The following PLCH2 variants were observed in gnomAD, a reference collection of about 807,000 sequenced individuals.
PLCH2 encodes the protein 1-phosphatidylinositol 4,5-bisphosphate phosphodiesterase eta-2.
In PLCH2, 98 loss-of-function variants were observed where a neutral mutation model predicts 134.7. That is an observed-to-expected ratio of 0.73 (90% CI 0.62 to 0.86). The LOEUF (loss-of-function observed/expected upper bound fraction) is 0.86. Ranked by LOEUF, PLCH2 falls within the 40% of genes least tolerant of loss-of-function variation. The pLI is 0.00. For missense variants in PLCH2, 1,994 were observed against 1,986.6 expected (o/e 1.00, Z -0.07); for synonymous variants, 974 against 827.5 (o/e 1.18, Z -3.04).
rs562394174 is a variant in PLCH2 at position 2,504,803 on chromosome 1, G to A, written c.3841G>A (p.Gly1281Ser). Residue 1281 changes from glycine (G) to serine (S), a missense_variant, in exon 22 of 22, where the codon GGC becomes AGC. Coordinates refer to ENST00000378486, the MANE Select transcript of PLCH2 (RefSeq NM_014638.4). ...CTCCCGCAGACTGAGCCACAGCCTG[G>A]GCCTCCCGGGAGGGACACGGCGGGT... ...GGSRRLSHSL[G>S]LPGGTRRVSG... 6.2e-7 allele frequency: 1 copy of A among 1,611,756 alleles called. No homozygotes were observed. The highest frequency in any genetic ancestry group is 2.2e-5 in the East Asian group (1 of 44,864).
intron 2 of PLCH2, among the ~76,000 whole-genome samples, chr1:2,447,461 C>T (rs540323997): frequency 4.6e-4 from 70 of 152,282 alleles, no homozygotes; most frequent in Middle Eastern, 6.8e-3. Context: ...GGTGCCCTCC[C>T]ACTGGGGAGC....
In PLCH2 at chr1:2,432,428, C is replaced by A. The variant is rs1008328322; in HGVS notation, c.115+1799C>A. Among the ~76,000 whole-genome samples, 4 of 152,210 alleles carry A rather than the reference C, an allele frequency of 2.6e-5. No homozygotes were observed. The South Asian group carries it at 8.3e-4, about 31-fold the overall frequency. On this transcript the variant is annotated intron_variant, in intron 2 of 3. Coordinates refer to the PLCH2 transcript ENST00000609981. ...CTGGCCCCTCATGGCTGACAGCACACCCCGTCCCCTGTGCAATTTGCCTTA... is the reference window on the plus strand; with the variant it reads ...CTGGCCCCTCATGGCTGACAGCACAACCCGTCCCCTGTGCAATTTGCCTTA...
In PLCH2 at chr1:2,502,261, G is replaced by A. The variant is rs1202883433; in HGVS notation, c.2811G>A (p.Gln937=). Residue 937 remains glutamine (Q), a synonymous_variant, in exon 21 of 22, where the codon CAG becomes CAA. Coordinates refer to ENST00000378486, the MANE Select transcript of PLCH2 (RefSeq NM_014638.4). ...RRTASAPTKS[Q]KPGRRGFPEL... ...CGGCCAGCGCCCCGACCAAGAGCCA[G>A]AAGCCGGGCCGCAGGGGCTTCCCGG... 6.5e-7 allele frequency: 1 copy of A among 1,541,436 alleles called. No homozygotes were observed. The highest frequency in any genetic ancestry group is 8.7e-7 in the Non-Finnish European group (1 of 1,144,668).
chr1:2,481,308 G>T (rs1473566417), intron 4 of PLCH2, among the ~76,000 whole-genome samples: 1 of 152,254 alleles, frequency 6.6e-6, no homozygotes, highest in Non-Finnish European at 1.5e-5. Context: ...ACTGCCCGGG[G>T]CTTGTGAAGG....
At chr1:2,468,372 G>A (rs1557980825) in intron 1 of PLCH2, among the ~76,000 whole-genome samples, 2 of 152,276 alleles carry the variant, frequency 1.3e-5, no homozygotes, top group Non-Finnish European at 2.9e-5. Flanking sequence ...ATTGCCCTGC[G>A]CAGACAGAGC....
chr1:2,419,333 C>T, the PLCH2 span, among the ~76,000 whole-genome samples: 4 of 152,334 alleles, frequency 2.6e-5, no homozygotes, highest in South Asian at 2.1e-4. Context: ...CTGGCTCAGC[C>T]GTGCCATTCC....
chr1:2,463,729 G>T (rs1640931502), upstream of PLCH2, among the ~76,000 whole-genome samples: 1 of 152,174 alleles, frequency 6.6e-6, no homozygotes, highest in Admixed American at 6.5e-5. Context: ...GACCTTTGGT[G>T]CAAGAATGTC....
chr1:2,497,393 C>T (rs773151479), intron 15 of PLCH2, 109 bp from the exon 16 acceptor site: 8 of 735,312 alleles, frequency 1.1e-5, no homozygotes, highest in Non-Finnish European at 1.9e-5. Flanking sequence ...GGGCAGACGG[C>T]AGATACGCGG....
At chr1:2,433,898 C>T (rs999914285) in intron 2 of PLCH2, among the ~76,000 whole-genome samples, 6 of 152,208 alleles carry the variant, frequency 3.9e-5, no homozygotes, top group African/African-American at 1.4e-4. Context: ...TGATGTTGGC[C>T]GTTTGGTCCC....
intron 1 of PLCH2, among the ~76,000 whole-genome samples, chr1:2,470,879 G>A (rs994096232): frequency 3.9e-5 from 6 of 152,130 alleles, no homozygotes; most frequent in Admixed American, 1.3e-4. Context: ...TGTCCTGGAC[G>A]GTGGCTGGGG....
Position 2,489,261 on chromosome 1 carries a change from A to C in PLCH2, c.1290A>C (p.Lys430Asn). The change falls in exon 9 of 22, where the codon AAA (lysine) becomes AAC (asparagine). Residue 430 changes from lysine to asparagine, a missense_variant. By Grantham distance (94) the Lys-to-Asn change is moderately conservative. This residue lies in a region of PLCH2 where 1,094 missense variants were observed against 1,234.3 expected (regional missense o/e 0.89). Transcript: ENST00000378486. The part of the protein sequence containing the change: ...ENHCSVIQQK[K>N]MAQYLTDILG... ...ACTGCAGTGTCATCCAGCAGAAGAAAATGGCCCAGTATCTGACTGACATCC... is the reference window on the plus strand; with the variant it reads ...ACTGCAGTGTCATCCAGCAGAAGAACATGGCCCAGTATCTGACTGACATCC... 1 of 1,613,914 alleles carries C rather than the reference A, an allele frequency of 6.2e-7. No individual in the cohort carries two copies. Among genetic ancestry groups the C allele is most frequent in the Non-Finnish European group, 8.5e-7 (1 of 1,179,872 alleles).
chr1:2,503,951 C>T lies in PLCH2; in HGVS notation c.2989C>T (p.Leu997Phe). ...DTRPLSTQRP[L>F]PPLCSLETIA... ...CCGCCCCCTCTCCACGCAGCGGCCACTCCCCCCACTGTGCAGCCTGGAAAC... is the reference window on the plus strand; with the variant it reads ...CCGCCCCCTCTCCACGCAGCGGCCATTCCCCCCACTGTGCAGCCTGGAAAC... The change falls in exon 22 of 22, where the codon CTC (leucine) becomes TTC (phenylalanine). Residue 997 changes from leucine (L) to phenylalanine (F), a missense_variant. By Grantham distance (22) the Leu-to-Phe change is conservative. Coordinates refer to ENST00000378486, the MANE Select transcript of PLCH2 (RefSeq NM_014638.4). 1.4e-6 allele frequency: 2 copies of T among 1,416,892 alleles called. No individual in the cohort carries two copies. Among genetic ancestry groups the T allele is most frequent in the Non-Finnish European group, 1.9e-6 (2 of 1,028,316 alleles). 87.8% of individuals were successfully genotyped at this position (1,416,892 alleles called of 1,614,324 possible). A position where few individuals can be genotyped will look rare whatever the true frequency, so the allele number is the denominator to read the frequency against.
rs1478641949 is a variant in PLCH2, at chr1:2,499,734, C to G, written c.2661+14C>G. 7 of 1,560,224 alleles carry G rather than the reference C, an allele frequency of 4.5e-6. No homozygotes were observed. The highest frequency in any genetic ancestry group is 5.2e-6 in the Non-Finnish European group (6 of 1,150,648). Reference sequence around the variant, plus strand: ...ATCAGCGGTAAGGTGAGTGTCACCCCCTGCCACCAGCCATCATGGGGAGGG... The same window carrying G: ...ATCAGCGGTAAGGTGAGTGTCACCCGCTGCCACCAGCCATCATGGGGAGGG... On this transcript the variant is annotated intron_variant, in intron 20 of 21. Transcript: ENST00000378486.
chr1:2,492,754 T>C (rs934013188), intron 11 of PLCH2, among the ~76,000 whole-genome samples: 20 of 152,202 alleles, frequency 1.3e-4, no homozygotes, highest in African/African-American at 4.3e-4. Flanking sequence ...GTCGTGGGGA[T>C]GGCAAATCCC....
intron 5 of PLCH2, among the ~76,000 whole-genome samples, chr1:2,486,608 C>T (rs1383292893): frequency 6.6e-6 from 1 of 152,262 alleles, no homozygotes. Flanking sequence ...CCCACCCACA[C>T]ATGGCCTCTG....
intron 5 of PLCH2, 115 bp from the exon 6 acceptor site, chr1:2,486,792 G>C (rs900260728): frequency 3.8e-6 from 3 of 798,370 alleles, no homozygotes; most frequent in Non-Finnish European, 6.3e-6. Flanking sequence ...GGCTGGCCAT[G>C]GTCATCCCTG....
rs1030586978 is a variant in PLCH2 at position 2,482,107 on chromosome 1, C to T, written c.645+1795C>T. Among the ~76,000 whole-genome samples, 5 of 152,394 alleles carry T rather than the reference C, an allele frequency of 3.3e-5. No homozygotes were observed. In the East Asian group the frequency reaches 9.6e-4, roughly 29 times the overall value. On this transcript the variant is annotated intron_variant, in intron 4 of 21. Coordinates refer to ENST00000378486, the MANE Select transcript of PLCH2 (RefSeq NM_014638.4). ...CTCAGCCAAAGTGCACGTTCAACAG[C>T]AGTGGCTTCCCTTTGTGGAAAGAAA... is the stretch of plus-strand genomic sequence containing the variant.
In PLCH2 at chr1:2,498,802, A is replaced by G. The variant is rs1643043786; in HGVS notation, c.2408A>G (p.Glu803Gly). ...GGGCTCCCTGTGGACTGCAGCAGGGAGCAGACCCGCGTGGTGGACGACAAC... is the reference window on the plus strand; with the variant it reads ...GGGCTCCCTGTGGACTGCAGCAGGGGGCAGACCCGCGTGGTGGACGACAAC... ...IIGLPVDCSR[E>G]QTRVVDDNGF... The change falls in exon 18 of 22, where the codon GAG becomes GGG. Residue 803 changes from glutamate (E) to glycine (G), a missense_variant. Physicochemically the swap from Glu to Gly is moderately conservative, Grantham distance 98. Around this residue, in one of 2 missense-constraint regions of PLCH2, gnomAD observed 1,094 missense variants for 1,234.3 expected, o/e 0.89. Coordinates refer to ENST00000378486, the MANE Select transcript of PLCH2 (RefSeq NM_014638.4). The surrounding 1 kb of genome is among the most constrained non-coding windows in gnomAD (Gnocchi z 5.4). 1 of 1,611,088 alleles carries G rather than the reference A, an allele frequency of 6.2e-7. No homozygotes were observed. The highest frequency in any genetic ancestry group is 8.5e-7 in the Non-Finnish European group (1 of 1,178,914).
At position 2,505,141 on chromosome 1, in the gene PLCH2, A is replaced by G. The variant is rs1364755581; in HGVS notation, c.4179A>G (p.Ala1393=). ...CSVGHEGSVD[A]PAPSKGALGP... The stretch of plus-strand genomic sequence containing the variant: ...TGGGCCACGAGGGCAGTGTGGATGC[A>G]CCAGCACCCTCCAAGGGAGCCCTCG... Residue 1393 remains alanine (A), a synonymous_variant, in exon 22 of 22, where the codon GCA becomes GCG. Transcript: ENST00000378486. 1.9e-6 allele frequency: 3 copies of G among 1,559,782 alleles called. No individual in the cohort carries two copies. The highest frequency in any genetic ancestry group is 1.2e-5 in the South Asian group (1 of 85,692).
Sources: allele counts gnomAD v4.1 joint callset (sites outside exome capture counted in the v4.1 genomes callset), GRCh38; gene constraint gnomAD v4.1.1; regional missense constraint gnomAD v4.1.1; non-coding constraint Gnocchi (gnomAD v3.1); transcripts MANE v1.5; gene names NCBI Gene and HGNC (gene_info 2026-07-23, HGNC 2026-07-21).